ZSCAN5A: variants seen among roughly 807,000 people sequenced by gnomAD.
ZSCAN5A encodes zinc finger and SCAN domain containing 5A.
Under a neutral mutation model 23.7 loss-of-function variants are expected in ZSCAN5A, and 12 were observed. The observed-to-expected ratio is 0.51, with a 90% CI of 0.32 to 0.82. The LOEUF (loss-of-function observed/expected upper bound fraction) is 0.82. Among genes scored for constraint, ZSCAN5A ranks in the 40% least tolerant of loss-of-function variants. The pLI, the probability that ZSCAN5A is intolerant of heterozygous loss-of-function variation, is 0.03. For missense variants in ZSCAN5A, 597 were observed against 617.9 expected (o/e 0.97, Z 0.36); for synonymous variants, 257 against 239.9 (o/e 1.07, Z -0.66).
intron 2 of ZSCAN5A, among the ~76,000 whole-genome samples, chr19:56,240,509 G>A (rs1473246123): frequency 1.3e-5 from 2 of 152,170 alleles, no homozygotes; most frequent in East Asian, 1.9e-4. Context: ...CCAGATGCGA[G>A]AAAGTTGGAG....
intron 2 of ZSCAN5A, chr19:56,297,661 G>A: frequency 5.1e-6 from 2 of 395,386 alleles, no homozygotes; most frequent in Non-Finnish European, 6.9e-6. Context: ...TACCTGAGAG[G>A]CTGCCTTCCT....
intron 2 of ZSCAN5A, chr19:56,321,636 C>T (rs911546951): frequency 1.1e-6 from 1 of 884,916 alleles, no homozygotes; most frequent in Admixed American, 1.7e-5. Flanking sequence ...TTCATCCATG[C>T]ATCGTTATGT....
chr19:56,339,357 T>G (rs8101055), intron 2 of ZSCAN5A, among the ~76,000 whole-genome samples: 1 of 116,462 alleles, frequency 8.6e-6, no homozygotes, highest in East Asian at 3.0e-4. Flanking sequence ...TAGCAATATG[T>G]GAAGGAGCGG....
intron 2 of ZSCAN5A, among the ~76,000 whole-genome samples, chr19:56,285,464 T>A (rs781263469): frequency 6.6e-6 from 1 of 152,340 alleles, no homozygotes; most frequent in South Asian, 2.1e-4. Context: ...TAACTTTACC[T>A]CTTTCAAATA....
intron 2 of ZSCAN5A, among the ~76,000 whole-genome samples, chr19:56,256,141 AAT>A (rs2036676656): frequency 6.6e-6 from 1 of 152,200 alleles, no homozygotes; most frequent in Non-Finnish European, 1.5e-5. Context: ...GATAATGGAG[AAT>A]ATATGTCATC....
chr19:56,222,314 C>G lies in ZSCAN5A; in HGVS notation c.752G>C (p.Arg251Thr), dbSNP rs1371614696. The G allele has an allele frequency of 1.2e-6, 2 of 1,611,224 alleles. No individual in the cohort carries two copies. The highest frequency in any genetic ancestry group is 1.7e-6 in the Non-Finnish European group (2 of 1,179,666). The change falls in exon 6 of 6, where the codon AGA becomes ACA. Residue 251 changes from arginine to threonine, a missense_variant. Arg to Thr is a moderately conservative substitution (Grantham distance 71). Around this residue, in one of 5 missense-constraint regions of ZSCAN5A, gnomAD observed 406 missense variants for 353.2 expected, o/e 1.15. Coordinates refer to ENST00000683990, the MANE Select transcript of ZSCAN5A (RefSeq NM_001322064.3). ...TGGGGGGTCCTTCCCCTCCTTTGCTCTCACCAGATCTGCTGGAAGAAGGGA... is the reference window on the plus strand; with the variant it reads ...TGGGGGGTCCTTCCCCTCCTTTGCTGTCACCAGATCTGCTGGAAGAAGGGA... Reference protein sequence around the residue: ...QLPKSPTDLVRAKEGKDPPKI... With the variant: ...QLPKSPTDLVTAKEGKDPPKI...
At chr19:56,347,653 A>C (rs893771971) in intron 2 of ZSCAN5A, 1 of 152,256 alleles carries the variant, frequency 6.6e-6, no homozygotes, top group Non-Finnish European at 1.5e-5. Flanking sequence ...GAAAGGCACT[A>C]ATAGAGTATA....
At chr19:56,241,934 C>A (rs542542687) in intron 2 of ZSCAN5A, among the ~76,000 whole-genome samples, 1 of 152,082 alleles carries the variant, frequency 6.6e-6, no homozygotes, top group South Asian at 2.1e-4. Flanking sequence ...TGACTCAACC[C>A]GTCACCCAGG....
At chr19:56,308,013 C>T (rs1418219551) in intron 2 of ZSCAN5A, among the ~76,000 whole-genome samples, 1 of 152,224 alleles carries the variant, frequency 6.6e-6, no homozygotes, top group African/African-American at 2.4e-5. Context: ...GATCCCCCCA[C>T]CCACATTCCA....
intron 2 of ZSCAN5A, among the ~76,000 whole-genome samples, chr19:56,323,507 T>C (rs962318711): frequency 6.6e-6 from 1 of 151,692 alleles, no homozygotes; most frequent in Non-Finnish European, 1.5e-5. Context: ...TTGTTGAATT[T>C]ATGGATGCAG....
At chr19:56,278,593 TAGAG>T (rs2147034189) in intron 2 of ZSCAN5A, among the ~76,000 whole-genome samples, 1 of 152,324 alleles carries the variant, frequency 6.6e-6, no homozygotes, top group East Asian at 1.9e-4. Flanking sequence ...AAGATATTGA[TAGAG>T]ATATTTGAGA....
chr19:56,272,460 T>C (rs1274016064), intron 2 of ZSCAN5A, among the ~76,000 whole-genome samples: 1 of 152,218 alleles, frequency 6.6e-6, no homozygotes, highest in East Asian at 1.9e-4. Context: ...ACATTCTATA[T>C]AATCTTCATG....
intron 2 of ZSCAN5A, among the ~76,000 whole-genome samples, chr19:56,252,778 G>A (rs1275408522): frequency 6.6e-6 from 1 of 152,236 alleles, no homozygotes; most frequent in Non-Finnish European, 1.5e-5. Flanking sequence ...TGGTCACCAG[G>A]GGAAATAGGA....
Position 56,222,584 on chromosome 19 carries a change from T to C in ZSCAN5A, c.739+7A>G, listed in dbSNP as rs747665222. ...TAACCCCTGTGGATCCAAGTCTTCA[T>C]ACTCACTGGGACTCTTTGGAAGCTG... On this transcript the variant is annotated splice_region_variant and intron_variant, in intron 5 of 5. Transcript: ENST00000683990. 8.7e-6 allele frequency: 14 copies of C among 1,613,722 alleles called. No individual in the cohort carries two copies. The highest frequency in any genetic ancestry group is 1.1e-5 in the South Asian group (1 of 91,028).
intron 2 of ZSCAN5A, among the ~76,000 whole-genome samples, chr19:56,291,364 G>A (rs962833645): frequency 5.3e-5 from 8 of 152,150 alleles, no homozygotes; most frequent in Admixed American, 3.9e-4. Context: ...TGTCCACCTG[G>A]ATTAATGCGT....
At chr19:56,241,120 C>T (rs2035394657) in intron 2 of ZSCAN5A, among the ~76,000 whole-genome samples, 1 of 152,196 alleles carries the variant, frequency 6.6e-6, no homozygotes. Flanking sequence ...ACTAAGTGTC[C>T]CTACCTGGGG....
At chr19:56,246,529 T>G (rs1025640216) in intron 2 of ZSCAN5A, 3 of 662,686 alleles carry the variant, frequency 4.5e-6, no homozygotes, top group Admixed American at 2.4e-5. Flanking sequence ...GGGGCTGGGG[T>G]CCCAGCATTA....
Position 56,334,014 on chromosome 19 carries a change from C to T in ZSCAN5A, c.-357-17746G>A, listed in dbSNP as rs1600288801. ...CTGAAAGATTACACTAGCTCTTCAG[C>T]AATGATCCCTAACCAAAATGGAAAA... On this transcript the variant is annotated intron_variant, in intron 2 of 6. Transcript: ENST00000587340. Among the ~76,000 whole-genome samples the T allele has an allele frequency of 2.0e-5, 3 of 152,140 alleles. No homozygotes were observed. In the South Asian group the frequency reaches 6.2e-4, roughly 31 times the overall value.
At chr19:56,321,893 G>C (rs372661233) in intron 2 of ZSCAN5A, 35 of 790,990 alleles carry the variant, frequency 4.4e-5, no homozygotes, top group African/African-American at 3.4e-4. Context: ...CTCATCAAGG[G>C]CTTCTGTTAC....
Sources: gnomAD v4.1 joint callset for allele counts (sites outside exome capture counted in the v4.1 genomes callset) on GRCh38, gnomAD v4.1.1 for gene constraint, gnomAD v4.1.1 regional missense constraint, MANE v1.5 for transcripts, NCBI Gene and HGNC (gene_info 2026-07-23, HGNC 2026-07-21) for gene names.